RLIG1: variants seen among roughly 807,000 people sequenced by gnomAD.
The protein encoded by RLIG1 is RNA ligase 1.
At chr12:88,046,961 T>A in the RLIG1 span, 1 of 1,608,324 alleles carries the variant, frequency 6.2e-7, no homozygotes, top group Non-Finnish European at 8.5e-7. Flanking sequence ...ATTGCAGTGA[T>A]GGCTGTTTAA....
the RLIG1 span, chr12:88,044,025 A>G: frequency 3.4e-6 from 1 of 290,276 alleles, no homozygotes; most frequent in Non-Finnish European, 6.4e-6. Flanking sequence ...TAATCCCAGC[A>G]CTTTGGGAGG....
At chr12:88,046,036 G>T in the RLIG1 span, among the ~76,000 whole-genome samples, 1 of 152,042 alleles carries the variant, frequency 6.6e-6, no homozygotes, top group African/African-American at 2.4e-5. Context: ...TAATGACTCA[G>T]TTGTAACCCC....
At chr12:88,048,959 C>A in the RLIG1 span, 2 of 332,954 alleles carry the variant, frequency 6.0e-6, no homozygotes, top group East Asian at 9.8e-5. Context: ...AGAAATTCAC[C>A]AGAGCTCACT....
the RLIG1 span, chr12:88,044,548 A>G: frequency 6.6e-6 from 1 of 152,354 alleles, no homozygotes; most frequent in East Asian, 1.9e-4. Flanking sequence ...TTAATTAGAC[A>G]TTGGGAGAAA....
the RLIG1 span, chr12:88,048,241 G>A: frequency 1.2e-5 from 18 of 1,543,802 alleles, no homozygotes; most frequent in Admixed American, 2.0e-5. Flanking sequence ...CAGGTCCATC[G>A]CCATCATCTT....
At chr12:88,035,823 C>G in the RLIG1 span, 1 of 1,543,812 alleles carries the variant, frequency 6.5e-7, no homozygotes, top group Non-Finnish European at 8.7e-7. Context: ...GCGAGGGCGG[C>G]TGGGCGCTTT....
the RLIG1 span, chr12:88,044,208 A>G: frequency 3.5e-4 from 56 of 159,376 alleles, no homozygotes; most frequent in Middle Eastern, 0.015. Context: ...GGAAGTTGAG[A>G]CTGCAGTGAA....
the RLIG1 span, chr12:88,035,859 T>C: frequency 6.6e-7 from 1 of 1,519,950 alleles, no homozygotes. Context: ...GCCAGGAACC[T>C]CTGTAGGTTT....
the RLIG1 span, chr12:88,035,858 C>G: frequency 6.6e-7 from 1 of 1,522,510 alleles, no homozygotes. Context: ...GGCCAGGAAC[C>G]TCTGTAGGTT....
the RLIG1 span, chr12:88,043,020 G>A: frequency 1.8e-6 from 1 of 547,936 alleles, no homozygotes; most frequent in Non-Finnish European, 3.0e-6. Flanking sequence ...TGTAATTTAA[G>A]CAATTTAGGA....
the RLIG1 span, chr12:88,035,589 G>T: frequency 1.3e-6 from 2 of 1,532,026 alleles, no homozygotes; most frequent in African/African-American, 1.4e-5. Flanking sequence ...GCTTCTCCGC[G>T]ACTGGACCGG....
chr12:88,041,082 A>G, the RLIG1 span, among the ~76,000 whole-genome samples: 4 of 152,152 alleles, frequency 2.6e-5, no homozygotes, highest in African/African-American at 9.6e-5. Flanking sequence ...TAAAACTGAA[A>G]TGCTACCCAT....
At chr12:88,047,220 G>C in the RLIG1 span, among the ~76,000 whole-genome samples, 855 of 152,210 alleles carry the variant, frequency 5.6e-3, 28 homozygotes, top group East Asian at 0.054. Context: ...TATATCCCCT[G>C]CGTGGAAATT....
chr12:88,042,994 A>G, the RLIG1 span: 2 of 803,496 alleles, frequency 2.5e-6, no homozygotes, highest in Non-Finnish European at 3.7e-6. Flanking sequence ...GTATTTCTAT[A>G]CATTATATCC....
chr12:88,049,145 TA>T, the RLIG1 span: 1 of 1,231,710 alleles, frequency 8.1e-7, no homozygotes, highest in African/African-American at 1.5e-5. Flanking sequence ...CTTATAAAGT[TA>T]ATAAATAGTT....
the RLIG1 span, among the ~76,000 whole-genome samples, chr12:88,043,259 T>C: frequency 4.6e-5 from 7 of 152,066 alleles, no homozygotes; most frequent in African/African-American, 1.7e-4. Flanking sequence ...TTTAAATATC[T>C]GTAGTAGATA....
chr12:88,039,425 C>T, the RLIG1 span, among the ~76,000 whole-genome samples: 2 of 152,144 alleles, frequency 1.3e-5, no homozygotes, highest in Non-Finnish European at 2.9e-5. Flanking sequence ...TTGAAAGATA[C>T]TTGTATTGAA....
the RLIG1 span, chr12:88,043,742 T>C: frequency 6.7e-7 from 1 of 1,495,232 alleles, no homozygotes; most frequent in South Asian, 1.2e-5. Context: ...TCTAGTGCAG[T>C]TTTGTGTTTA....
the RLIG1 span, among the ~76,000 whole-genome samples, chr12:88,038,788 CTG>C: frequency 2.0e-5 from 3 of 152,098 alleles, no homozygotes; most frequent in Non-Finnish European, 2.9e-5. Context: ...CTTTTAAAGT[CTG>C]TGATCTGTTA....
Sources: gnomAD v4.1 joint callset for allele counts (sites outside exome capture counted in the v4.1 genomes callset) on GRCh38, gnomAD v4.1.1 for gene constraint, MANE v1.5 for transcripts, NCBI Gene and HGNC (gene_info 2026-07-23, HGNC 2026-07-21) for gene names.